ABCC4: variants seen among roughly 807,000 people sequenced by gnomAD.
ABCC4 encodes the protein ATP binding cassette subfamily C member 4 (PEL blood group), also known as ATP-binding cassette sub-family C member 4.
In ABCC4, 102 loss-of-function variants were observed where a neutral mutation model predicts 168.5. The ratio of observed to expected loss-of-function variants is 0.61; its 90% confidence interval spans 0.52 to 0.71. The LOEUF is 0.71. ABCC4 is among the 30% of genes least tolerant of loss of function. The pLI is 0.00. For missense variants in ABCC4, 1,402 were observed against 1,605.8 expected (o/e 0.87, Z 2.17); for synonymous variants, 617 against 590.7 (o/e 1.04, Z -0.65).
At chr13:95,276,377 T>G (rs1437884710) in intron 1 of ABCC4, among the ~76,000 whole-genome samples, 1 of 138,232 alleles carries the variant, frequency 7.2e-6, no homozygotes, top group Admixed American at 7.9e-5. Flanking sequence ...ATCTCACCAC[T>G]GCACTCGAGC....
At chr13:95,133,592 A>T (rs1388817071) in intron 19 of ABCC4, among the ~76,000 whole-genome samples, 2 of 152,100 alleles carry the variant, frequency 1.3e-5, no homozygotes, top group Admixed American at 1.3e-4. Context: ...CTCTGTCACC[A>T]ACTGGTGAGA....
At chr13:95,134,895 T>C (rs2036093609) in intron 19 of ABCC4, among the ~76,000 whole-genome samples, 1 of 152,024 alleles carries the variant, frequency 6.6e-6, no homozygotes, top group Non-Finnish European at 1.5e-5. Context: ...ACTTTCAGGG[T>C]ATCTGCAACT....
intron 21 of ABCC4, among the ~76,000 whole-genome samples, chr13:95,077,347 A>T (rs549393521): frequency 6.6e-6 from 1 of 151,856 alleles, no homozygotes; most frequent in Non-Finnish European, 1.5e-5. Context: ...TTATTTATTT[A>T]TTTTTTTCTG....
chr13:95,114,245 A>C (rs1437087191), intron 20 of ABCC4, among the ~76,000 whole-genome samples: 2 of 152,146 alleles, frequency 1.3e-5, no homozygotes, highest in Non-Finnish European at 2.9e-5. Context: ...GCTTCTAAGA[A>C]ATGTTTTATA....
chr13:95,138,100 A>C (rs1484629775), intron 19 of ABCC4, among the ~76,000 whole-genome samples: 1 of 152,222 alleles, frequency 6.6e-6, no homozygotes, highest in Non-Finnish European at 1.5e-5. Context: ...TTAGAAGCTC[A>C]AGTCTCCAAG....
At chr13:95,175,840 G>A (rs532712829) in intron 13 of ABCC4, among the ~76,000 whole-genome samples, 7 of 151,688 alleles carry the variant, frequency 4.6e-5, no homozygotes, top group East Asian at 1.9e-4. Context: ...ACAACCTGCC[G>A]CTGTGGAAGC....
At chr13:95,047,827 C>T (rs1316481934) in intron 27 of ABCC4, among the ~76,000 whole-genome samples, 2 of 152,144 alleles carry the variant, frequency 1.3e-5, no homozygotes, top group Non-Finnish European at 2.9e-5. Flanking sequence ...TCATGCACTG[C>T]TGTAGTTTTC....
intron 25 of ABCC4, 59 bp downstream of exon 25, chr13:95,071,603 A>T (rs2033725153): frequency 2.2e-6 from 3 of 1,344,828 alleles, no homozygotes; most frequent in Middle Eastern, 2.0e-4. Flanking sequence ...GGAAGACAAC[A>T]AGCAGACATA....
intron 11 of ABCC4, among the ~76,000 whole-genome samples, chr13:95,180,539 T>A (rs1433590257): frequency 2.0e-5 from 3 of 150,130 alleles, no homozygotes; most frequent in African/African-American, 7.4e-5. Flanking sequence ...GCAACAAGAG[T>A]GAAACTCCAT....
At chr13:95,215,406 A>C (rs1007776460) in intron 4 of ABCC4, among the ~76,000 whole-genome samples, 21 of 152,360 alleles carry the variant, frequency 1.4e-4, no homozygotes, top group Admixed American at 5.2e-4. Flanking sequence ...GTCTAAAAAA[A>C]AATAAAAAAT....
At chr13:95,041,561 G>A (rs2032362358) in intron 29 of ABCC4, among the ~76,000 whole-genome samples, 1 of 152,186 alleles carries the variant, frequency 6.6e-6, no homozygotes, top group African/African-American at 2.4e-5. Flanking sequence ...CCCTGAGCCT[G>A]CCTTTTGGAG....
chr13:95,222,564 G>A (rs542836050), intron 4 of ABCC4, among the ~76,000 whole-genome samples: 4 of 152,338 alleles, frequency 2.6e-5, no homozygotes, highest in South Asian at 2.1e-4. Flanking sequence ...TGGCTGATGC[G>A]CGGGCACAGG....
chr13:95,269,409 C>T, intron 1 of ABCC4: 1 of 296,662 alleles, frequency 3.4e-6, no homozygotes, highest in Non-Finnish European at 6.6e-6. Context: ...CTGGGTGACA[C>T]AGCGAGACTC....
At chr13:95,121,990 G>A (rs1191557638) in intron 19 of ABCC4, among the ~76,000 whole-genome samples, 1 of 152,196 alleles carries the variant, frequency 6.6e-6, no homozygotes, top group Non-Finnish European at 1.5e-5. Context: ...TGCTCAAGGT[G>A]ATGCAGTGTT....
At chr13:95,262,924 C>A (rs1199771075) in intron 1 of ABCC4, among the ~76,000 whole-genome samples, 1 of 152,010 alleles carries the variant, frequency 6.6e-6, no homozygotes, top group Non-Finnish European at 1.5e-5. Context: ...TGTGAGCTAC[C>A]ACGCCCAGCT....
intron 29 of ABCC4, among the ~76,000 whole-genome samples, chr13:95,041,659 T>A (rs1248857561): frequency 1.3e-5 from 2 of 151,998 alleles, no homozygotes; most frequent in African/African-American, 4.8e-5. Context: ...TGGAACGGTA[T>A]CTCTAAAGCA....
chr13:95,042,451 G>C (rs2032402970), intron 29 of ABCC4, among the ~76,000 whole-genome samples: 1 of 152,200 alleles, frequency 6.6e-6, no homozygotes. Flanking sequence ...ATAACTAAAG[G>C]ACTGTGGCTT....
At chr13:95,073,909 C>T (rs1167864520) in intron 23 of ABCC4, among the ~76,000 whole-genome samples, 1 of 152,150 alleles carries the variant, frequency 6.6e-6, no homozygotes, top group African/African-American at 2.4e-5. Flanking sequence ...CTAAGTTGGA[C>T]AAAATGCTTC....
chr13:95,039,650 CAGTT>C (rs2032272585), intron 29 of ABCC4, among the ~76,000 whole-genome samples: 1 of 152,158 alleles, frequency 6.6e-6, no homozygotes, highest in Non-Finnish European at 1.5e-5. Context: ...ATGCATTAGT[CAGTT>C]ACTCAGTTAC....
Sources: allele counts gnomAD v4.1 joint callset (sites outside exome capture counted in the v4.1 genomes callset), GRCh38; gene constraint gnomAD v4.1.1; transcripts MANE v1.5; gene names NCBI Gene and HGNC (gene_info 2026-07-23, HGNC 2026-07-21).